The following CPNE4 variants were observed in gnomAD, a reference collection of about 807,000 sequenced individuals.
CPNE4 encodes the protein copine 4.
In CPNE4, 25 loss-of-function variants were observed where a neutral mutation model predicts 67.9. The observed-to-expected ratio is 0.37, with a 90% CI of 0.27 to 0.51. The LOEUF is 0.51. CPNE4 is among the 20% of genes least tolerant of loss of function. The pLI, the probability that CPNE4 is intolerant of heterozygous loss-of-function variation, is 0.93. For missense variants in CPNE4, 464 were observed against 690.8 expected, an observed-to-expected ratio of 0.67 and a Z score of 3.68; for synonymous variants, 242 against 244.9, an observed-to-expected ratio of 0.99 and a Z score of 0.11.
intron 6 of CPNE4, among the ~76,000 whole-genome samples, chr3:131,683,046 C>T (rs559323317): frequency 9.9e-5 from 15 of 152,272 alleles, no homozygotes; most frequent in Middle Eastern, 3.4e-3. Flanking sequence ...GGACTCCTCT[C>T]TTACCCAAAG....
chr3:131,956,146 T>C (rs2071963534), intron 1 of CPNE4, among the ~76,000 whole-genome samples: 2 of 152,238 alleles, frequency 1.3e-5, no homozygotes, highest in South Asian at 4.1e-4. Flanking sequence ...TATTCATTTA[T>C]GGTCTTAAAT....
At chr3:132,030,442 T>G (rs563759975) in intron 1 of CPNE4, among the ~76,000 whole-genome samples, 1 of 152,356 alleles carries the variant, frequency 6.6e-6, no homozygotes, top group Admixed American at 6.5e-5. Context: ...TGGGTAAATA[T>G]TGCACTGTTG....
At chr3:131,972,497 G>A (rs974789789) in intron 1 of CPNE4, among the ~76,000 whole-genome samples, 1 of 152,154 alleles carries the variant, frequency 6.6e-6, no homozygotes, top group Admixed American at 6.5e-5. Context: ...CTTTCCTGTT[G>A]GAATTTCAAA....
intron 7 of CPNE4, among the ~76,000 whole-genome samples, chr3:131,602,003 A>G (rs1311920157): frequency 1.3e-5 from 2 of 152,296 alleles, no homozygotes; most frequent in Admixed American, 1.3e-4. Context: ...AGGAACCACA[A>G]TAAAAAGTTT....
chr3:131,580,085 C>T (rs980309486), intron 9 of CPNE4, among the ~76,000 whole-genome samples: 4 of 152,078 alleles, frequency 2.6e-5, no homozygotes, highest in African/African-American at 9.7e-5. Flanking sequence ...GTTACCTCAG[C>T]CACCCCAACT....
intron 2 of CPNE4, among the ~76,000 whole-genome samples, chr3:131,755,576 C>G (rs977285611): frequency 2.0e-5 from 3 of 152,262 alleles, no homozygotes; most frequent in East Asian, 3.9e-4. Context: ...TACTGTTACA[C>G]TGGGTTTTCA....
At chr3:131,624,719 CA>C (rs2079022291) in intron 7 of CPNE4, among the ~76,000 whole-genome samples, 1 of 152,142 alleles carries the variant, frequency 6.6e-6, no homozygotes, top group African/African-American at 2.4e-5. Flanking sequence ...TTTCAGGAGG[CA>C]AACATTGCCT....
intron 2 of CPNE4, among the ~76,000 whole-genome samples, chr3:131,796,647 G>A (rs756487561): frequency 2.4e-4 from 37 of 152,192 alleles, no homozygotes; most frequent in Non-Finnish European, 4.6e-4. Flanking sequence ...GCCTCCATCA[G>A]TAAATGAATT....
intron 2 of CPNE4, among the ~76,000 whole-genome samples, chr3:131,886,920 GT>G (rs1395687379): frequency 3.3e-5 from 5 of 152,216 alleles, no homozygotes; most frequent in Non-Finnish European, 7.3e-5. Flanking sequence ...GACATGCCTT[GT>G]CTCCAGTGAG....
intron 15 of CPNE4, among the ~76,000 whole-genome samples, chr3:131,536,188 A>G (rs927390614): frequency 6.6e-6 from 1 of 152,140 alleles, no homozygotes; most frequent in Non-Finnish European, 1.5e-5. Context: ...CTTGAATACC[A>G]CACTAATTCA....
chr3:131,840,044 T>C (rs553536852), intron 2 of CPNE4, among the ~76,000 whole-genome samples: 8 of 152,264 alleles, frequency 5.3e-5, no homozygotes, highest in African/African-American at 1.9e-4. Flanking sequence ...ATACATACAT[T>C]CATGTAGCAT....
At chr3:131,615,889 T>TCACACACACA (rs1317031280) in intron 7 of CPNE4, among the ~76,000 whole-genome samples, 18 of 100,262 alleles carry the variant, frequency 1.8e-4, no homozygotes, top group African/African-American at 1.1e-3. Context: ...CATCTCTCTC[T>TCACACACACA]CTCACACACA....
At chr3:131,778,868 C>A (rs2083359262) in intron 2 of CPNE4, among the ~76,000 whole-genome samples, 2 of 151,990 alleles carry the variant, frequency 1.3e-5, no homozygotes, top group Non-Finnish European at 2.9e-5. Context: ...GAAAGGGCAT[C>A]CAAATTGGAA....
intron 7 of CPNE4, among the ~76,000 whole-genome samples, chr3:131,669,031 C>T (rs1355336751): frequency 1.3e-5 from 2 of 152,104 alleles, no homozygotes; most frequent in East Asian, 1.9e-4. Context: ...AGCCTAGGCC[C>T]TAAAGAGGTC....
chr3:131,826,877 A>T (rs1440100392), intron 2 of CPNE4, among the ~76,000 whole-genome samples: 2 of 151,988 alleles, frequency 1.3e-5, no homozygotes, highest in Non-Finnish European at 2.9e-5. Context: ...ACTAAAAATA[A>T]TTTTTTAAAA....
chr3:131,943,639 G>A (rs566537448), intron 1 of CPNE4, among the ~76,000 whole-genome samples: 2 of 151,982 alleles, frequency 1.3e-5, no homozygotes, highest in Admixed American at 1.3e-4. Flanking sequence ...CTCCTCTAAT[G>A]TGCTTCTTAA....
intron 1 of CPNE4, among the ~76,000 whole-genome samples, chr3:131,906,220 T>TGTTTTGTTTTGTTTTATTTTG (rs2088749075): frequency 1.5e-5 from 2 of 129,728 alleles, no homozygotes; most frequent in African/African-American, 5.4e-5. Flanking sequence ...TTGTTGTTGT[T>TGTTTTGTTTTGTTTTATTTTG]GTTTTGTTTT....
At chr3:131,860,490 C>G (rs79798583) in intron 2 of CPNE4, among the ~76,000 whole-genome samples, 5 of 152,122 alleles carry the variant, frequency 3.3e-5, no homozygotes, top group Non-Finnish European at 5.9e-5. Flanking sequence ...TTTTCTTGCC[C>G]CAACTCAGAG....
chr3:131,863,393 T>A (rs1299365800), intron 2 of CPNE4, among the ~76,000 whole-genome samples: 1 of 152,206 alleles, frequency 6.6e-6, no homozygotes, highest in Non-Finnish European at 1.5e-5. Context: ...TTTTTAATGA[T>A]CGCCATTCTA....
Sources: allele counts gnomAD v4.1 joint callset (sites outside exome capture counted in the v4.1 genomes callset), GRCh38; gene constraint gnomAD v4.1.1; transcripts MANE v1.5; gene names NCBI Gene and HGNC (gene_info 2026-07-23, HGNC 2026-07-21).